Variants in ADAMTS16 observed in about 807,000 individuals in gnomAD.
ADAMTS16 encodes ADAM metallopeptidase with thrombospondin type 1 motif 16, also known as A disintegrin and metalloproteinase with thrombospondin motifs 16.
Under a neutral mutation model 145.8 loss-of-function variants are expected in ADAMTS16, and 94 were observed. The observed-to-expected ratio is 0.64, with a 90% confidence interval of 0.55 to 0.77. ADAMTS16 has a LOEUF of 0.77. ADAMTS16 is among the 30% of genes least tolerant of loss of function. ADAMTS16 has a pLI of 0.00. For synonymous variants in ADAMTS16, 659 were observed against 604.3 expected, an observed-to-expected ratio of 1.09 and a Z score of -1.33; for missense variants, 1,585 against 1,591.5, an observed-to-expected ratio of 1.00 and a Z score of 0.07.
Position 5,235,109 on chromosome 5 carries a change from C to A in ADAMTS16, c.1946C>A (p.Ala649Asp). 3 of 1,606,148 alleles carry A rather than the reference C, an allele frequency of 1.9e-6. No homozygotes were observed. Among genetic ancestry groups the A allele is most frequent in the South Asian group, 1.1e-5 (1 of 90,792 alleles). ...KCPRDSVDFR[A>D]AQCAEHNSRR... ...CCCCGGGACAGTGTTGACTTCCGTGCTGCTCAGTGTGCCGAGCACAACAGC... is the reference window on the plus strand; with the variant it reads ...CCCCGGGACAGTGTTGACTTCCGTGATGCTCAGTGTGCCGAGCACAACAGC... Residue 649 changes from alanine to aspartate, a missense_variant, in exon 13 of 23, where the codon GCT becomes GAT. By Grantham distance (126) the Ala-to-Asp change is moderately radical. Coordinates refer to ENST00000274181, the MANE Select transcript of ADAMTS16 (RefSeq NM_139056.4).
intron 18 of ADAMTS16, among the ~76,000 whole-genome samples, chr5:5,273,711 A>G (rs1738572937): frequency 6.6e-6 from 1 of 152,194 alleles, no homozygotes. Context: ...CACCAAAACA[A>G]TGAGCTTGAA....
chr5:5,184,256 A>T (rs932193939), intron 4 of ADAMTS16, among the ~76,000 whole-genome samples: 1 of 151,834 alleles, frequency 6.6e-6, no homozygotes, highest in Admixed American at 6.6e-5. Context: ...GATGTACCAC[A>T]GGTCCTCGTG....
intron 9 of ADAMTS16, 122 bp downstream of exon 9, chr5:5,200,391 G>C: frequency 7.8e-7 from 1 of 1,283,536 alleles, no homozygotes; most frequent in South Asian, 1.5e-5. Context: ...CTTTGAAGGT[G>C]TCTTGAGACA....
chr5:5,213,256 C>A (rs1736326011), intron 10 of ADAMTS16, among the ~76,000 whole-genome samples: 4 of 152,152 alleles, frequency 2.6e-5, no homozygotes, highest in Admixed American at 2.6e-4. Context: ...AAAGTGGTAT[C>A]ATTTCCCTAA....
intron 18 of ADAMTS16, among the ~76,000 whole-genome samples, chr5:5,276,061 G>C (rs183241225): frequency 1.6e-4 from 24 of 152,180 alleles, no homozygotes; most frequent in African/African-American, 5.5e-4. Flanking sequence ...GTTTTGCCAT[G>C]TTGGTCAGGC....
At chr5:5,177,973 T>G (rs1735244817) in intron 3 of ADAMTS16, among the ~76,000 whole-genome samples, 1 of 152,180 alleles carries the variant, frequency 6.6e-6, no homozygotes, top group Non-Finnish European at 1.5e-5. Context: ...TCATTTCTTC[T>G]TAATTTCTAT....
chr5:5,195,195 T>C (rs1735769167), intron 8 of ADAMTS16, among the ~76,000 whole-genome samples: 1 of 152,206 alleles, frequency 6.6e-6, no homozygotes, highest in South Asian at 2.1e-4. Context: ...TCTCCTGTAG[T>C]ACATGGGATT....
intron 21 of ADAMTS16, among the ~76,000 whole-genome samples, chr5:5,316,176 G>T (rs1320093913): frequency 1.3e-5 from 2 of 152,184 alleles, no homozygotes; most frequent in African/African-American, 2.4e-5. Flanking sequence ...TGGAGAACCA[G>T]CCCCAGGCCT....
chr5:5,178,151 G>A (rs1054513347), intron 3 of ADAMTS16, among the ~76,000 whole-genome samples: 15 of 152,174 alleles, frequency 9.9e-5, no homozygotes, highest in African/African-American at 3.6e-4. Context: ...CTCAGAGCTA[G>A]CATTTCCCAG....
chr5:5,277,600 G>A (rs1738753304), intron 18 of ADAMTS16, among the ~76,000 whole-genome samples: 1 of 152,186 alleles, frequency 6.6e-6, no homozygotes, highest in South Asian at 2.1e-4. Context: ...CCCAGAGTCT[G>A]ATTTTACTTT....
At chr5:5,200,291 C>T (rs763434332) in intron 9 of ADAMTS16, 22 bp downstream of exon 9, 1 of 1,613,086 alleles carries the variant, frequency 6.2e-7, no homozygotes, top group Admixed American at 1.7e-5. Context: ...TTAAGCTGGT[C>T]TTGTGATCTT....
At chr5:5,299,008 T>G (rs772039176) in intron 18 of ADAMTS16, among the ~76,000 whole-genome samples, 5 of 152,054 alleles carry the variant, frequency 3.3e-5, no homozygotes, top group Non-Finnish European at 7.4e-5. Flanking sequence ...TGCTGTATTC[T>G]AATGTTGCGT....
chr5:5,259,381 C>T (rs972610755), intron 17 of ADAMTS16, among the ~76,000 whole-genome samples: 1 of 152,204 alleles, frequency 6.6e-6, no homozygotes, highest in Non-Finnish European at 1.5e-5. Context: ...GTTCAGGCAG[C>T]TGAGCATCAT....
chr5:5,149,644 A>G (rs1734396641), intron 3 of ADAMTS16, among the ~76,000 whole-genome samples: 1 of 152,208 alleles, frequency 6.6e-6, no homozygotes, highest in Non-Finnish European at 1.5e-5. Flanking sequence ...ATATTAACAG[A>G]ATTGTGCAAA....
chr5:5,146,451 G>T lies in ADAMTS16; in HGVS notation c.497G>T (p.Gly166Val). ...TCAGTGGCCCTTTCAACCTGCCAAG[G>T]CTTGGTGAGTACAGCGCAAGCCCCA... ...NSSVALSTCQGLSGMIRTEEA... is the reference protein window; with the variant it reads ...NSSVALSTCQVLSGMIRTEEA... Residue 166 changes from glycine (G) to valine (V), a missense_variant, in exon 3 of 23, where the codon GGC becomes GTC. Around this residue, in one of 3 missense-constraint regions of ADAMTS16, gnomAD observed 453 missense variants for 412.1 expected, o/e 1.10. Coordinates refer to ENST00000274181, the MANE Select transcript of ADAMTS16 (RefSeq NM_139056.4). The T allele has an allele frequency of 1.2e-6, 2 of 1,605,980 alleles. No homozygotes were observed. Among genetic ancestry groups the T allele is most frequent in the South Asian group, 1.1e-5 (1 of 90,970 alleles).
intron 9 of ADAMTS16, among the ~76,000 whole-genome samples, chr5:5,201,594 A>G (rs534127069): frequency 3.5e-4 from 54 of 152,258 alleles, no homozygotes; most frequent in Non-Finnish European, 6.8e-4. Context: ...AAAACTACAC[A>G]TATTTAACGT....
chr5:5,175,262 T>C (rs1306616856), intron 3 of ADAMTS16, among the ~76,000 whole-genome samples: 1 of 152,164 alleles, frequency 6.6e-6, no homozygotes, highest in Non-Finnish European at 1.5e-5. Context: ...TCAATGCAGC[T>C]GGTTCCCTTC....
At position 5,146,426 on chromosome 5, in the gene ADAMTS16, T is replaced by G; in HGVS notation, c.472T>G (p.Ser158Ala). The part of the protein sequence containing the change: ...QGSLRSHRNS[S>A]VALSTCQGLS... ...CTCTTTGCGATCACACAGAAACTCC[T>G]CAGTGGCCCTTTCAACCTGCCAAGG... Residue 158 changes from serine (S) to alanine (A), a missense_variant, in exon 3 of 23, where the codon TCA becomes GCA. Around this residue, in one of 3 missense-constraint regions of ADAMTS16, gnomAD observed 453 missense variants for 412.1 expected, o/e 1.10. Transcript: ENST00000274181. 1 of 1,611,074 alleles carries G rather than the reference T, an allele frequency of 6.2e-7. No individual in the cohort carries two copies. The highest frequency in any genetic ancestry group is 8.5e-7 in the Non-Finnish European group (1 of 1,179,626).
At chr5:5,249,626 C>T (rs1303875864) in intron 17 of ADAMTS16, among the ~76,000 whole-genome samples, 1 of 151,444 alleles carries the variant, frequency 6.6e-6, no homozygotes, top group Non-Finnish European at 1.5e-5. Context: ...ACAATACTCT[C>T]TCAGCTCTGC....
Sources: gnomAD v4.1 joint callset for allele counts (sites outside exome capture counted in the v4.1 genomes callset) on GRCh38, gnomAD v4.1.1 for gene constraint, gnomAD v4.1.1 regional missense constraint, MANE v1.5 for transcripts, NCBI Gene and HGNC (gene_info 2026-07-23, HGNC 2026-07-21) for gene names.